Variants in EPS15 observed in about 807,000 individuals in gnomAD.
EPS15 encodes the protein epidermal growth factor receptor substrate 15.
A neutral mutation model predicts 113.8 loss-of-function variants in EPS15; 72 were observed. That is an observed-to-expected ratio of 0.63 (90% CI 0.52 to 0.77). The LOEUF is 0.77. EPS15 is among the 30% of genes least tolerant of loss of function. EPS15 has a pLI of 0.00. For missense variants in EPS15, 1,048 were observed against 1,045.8 expected (o/e 1.00, Z -0.03); for synonymous variants, 344 against 363.4 (o/e 0.95, Z 0.61).
chr1:51,425,654 C>T (rs1651136388), intron 12 of EPS15, among the ~76,000 whole-genome samples: 1 of 152,172 alleles, frequency 6.6e-6, no homozygotes, highest in African/African-American at 2.4e-5. Context: ...AACTGTCAAT[C>T]TCTCTCACAA....
intron 1 of EPS15, among the ~76,000 whole-genome samples, chr1:51,509,754 A>G (rs1479343250): frequency 1.3e-5 from 2 of 152,248 alleles, no homozygotes; most frequent in Non-Finnish European, 2.9e-5. Flanking sequence ...ACTTTCCACT[A>G]TAACTTCGTG....
rs1655340175 is a variant in EPS15 at position 51,472,878 on chromosome 1, G to A, written c.146C>T (p.Pro49Leu). Residue 49 changes from proline to leucine, a missense_variant, in exon 3 of 25, where the codon CCA becomes CTA. Physicochemically the swap from Pro to Leu is moderately conservative, Grantham distance 98. Transcript: ENST00000371733. ...TACTACCTTTCCAAGTATCAAGTCT[G>A]GAAGCCCTGATTTTTTCAGGAAAGC... ...AAAFLKKSGL[P>L]DLILGKIWDL... is the part of the protein sequence containing the mutation. 1 of 1,612,156 alleles carries A rather than the reference G, an allele frequency of 6.2e-7. No individual in the cohort carries two copies. The highest frequency in any genetic ancestry group is 1.1e-5 in the South Asian group (1 of 91,044).
At chr1:51,370,305 C>A (rs1646615252) in intron 21 of EPS15, among the ~76,000 whole-genome samples, 1 of 152,086 alleles carries the variant, frequency 6.6e-6, no homozygotes, top group Non-Finnish European at 1.5e-5. Context: ...GGCTGAGTAT[C>A]CCTTATCTGA....
In EPS15 at chr1:51,453,864, C is replaced by T. The variant is rs1176591072; in HGVS notation, c.562-5729G>A. Reference sequence around the variant, plus strand: ...TTTAATTCTTGGCCAAAGCCCAAGACTTTGGTGAAACCCTGTCTCTACTAA... The same window carrying T: ...TTTAATTCTTGGCCAAAGCCCAAGATTTTGGTGAAACCCTGTCTCTACTAA... On this transcript the variant is annotated intron_variant, in intron 8 of 24. Transcript: ENST00000371733. Among the ~76,000 whole-genome samples the T allele has an allele frequency of 2.0e-5, 3 of 151,864 alleles. 1 individual carries two copies. Among genetic ancestry groups the T allele is most frequent in the South Asian group, 4.2e-4 (2 of 4,812 alleles).
intron 12 of EPS15, among the ~76,000 whole-genome samples, chr1:51,425,201 C>G (rs774911871): frequency 3.3e-5 from 5 of 152,150 alleles, no homozygotes; most frequent in African/African-American, 4.8e-5. Flanking sequence ...GAATTTGAAC[C>G]ATCAAGGAAA....
intron 10 of EPS15, among the ~76,000 whole-genome samples, chr1:51,445,955 G>T (rs1369560823): frequency 1.3e-5 from 2 of 152,192 alleles, no homozygotes; most frequent in African/African-American, 4.8e-5. Flanking sequence ...TGAGTATAGT[G>T]CCTACCCTAG....
chr1:51,365,271 T>C (rs1203379202), intron 22 of EPS15, among the ~76,000 whole-genome samples: 2 of 152,348 alleles, frequency 1.3e-5, no homozygotes, highest in African/African-American at 2.4e-5. Flanking sequence ...CTGGACGTAA[T>C]TGCATATTGT....
intron 12 of EPS15, among the ~76,000 whole-genome samples, chr1:51,432,688 T>C (rs1006491428): frequency 6.6e-6 from 1 of 152,160 alleles, no homozygotes; most frequent in Non-Finnish European, 1.5e-5. Flanking sequence ...ACCACACAGC[T>C]AGTGGCTACT....
intron 21 of EPS15, chr1:51,372,789 G>A (rs910580258): frequency 4.7e-6 from 2 of 422,396 alleles, no homozygotes; most frequent in African/African-American, 4.1e-5. Context: ...CTTGTTACAA[G>A]ACATCAAAGA....
In EPS15 at chr1:51,466,533, G is replaced by A. The variant is rs147312860; in HGVS notation, c.310-1207C>T. ...AGCTACTCAGGAGGCTAAGGCAGGA[G>A]AATCACTTGAACCTAGGGGGTGGAG... is the stretch of plus-strand genomic sequence containing the variant. On this transcript the variant is annotated intron_variant, in intron 5 of 24. Transcript: ENST00000371733. Among the ~76,000 whole-genome samples the A allele has an allele frequency of 2.4e-3, 359 of 151,676 alleles. 1 individual carries two copies. Among genetic ancestry groups the A allele is most frequent in the South Asian group, 5.9e-3 (28 of 4,780 alleles).
At chr1:51,463,873 T>C (rs1654654833) in intron 6 of EPS15, 75 bp from the exon 7 acceptor site, 1 of 851,220 alleles carries the variant, frequency 1.2e-6, no homozygotes, top group South Asian at 1.9e-5. Flanking sequence ...AATCAAGTCC[T>C]TAAAGAATAG....
intron 12 of EPS15, chr1:51,423,490 T>C (rs1306341084): frequency 4.1e-6 from 4 of 985,304 alleles, no homozygotes; most frequent in Non-Finnish European, 4.8e-6. Context: ...TGCTGCAGCA[T>C]GTTAGAGATA....
At chr1:51,508,223 GAAA>G (rs1557536211) in intron 1 of EPS15, among the ~76,000 whole-genome samples, 1 of 78,472 alleles carries the variant, frequency 1.3e-5, no homozygotes, top group African/African-American at 4.7e-5. Context: ...GAAAAGAAAA[GAAA>G]AGAAAAGAAA....
chr1:51,399,077 T>C lies in EPS15; in HGVS notation c.2007A>G (p.Ser669=), dbSNP rs143345142. 1.2e-6 allele frequency: 2 copies of C among 1,614,106 alleles called. No individual in the cohort carries two copies. The highest frequency in any genetic ancestry group is 4.5e-5 in the East Asian group (2 of 44,884). Residue 669 remains serine, a synonymous_variant, in exon 20 of 25, where the codon TCA becomes TCG. Transcript: ENST00000371733. ...TGGCTGCACTGAAAGGGTCAGTGCT[T>C]GAAGTGGCAAAAGGATCAGTAGATT... ...FRQSTDPFAT[S]STDPFSAANN... is the part of the protein sequence containing the mutation.
At chr1:51,509,352 CTAAT>C (rs1454071057) in intron 1 of EPS15, among the ~76,000 whole-genome samples, 3 of 152,086 alleles carry the variant, frequency 2.0e-5, no homozygotes, top group South Asian at 4.1e-4. Context: ...CATCAAAATT[CTAAT>C]TAAGTGCAAC....
chr1:51,482,232 T>C (rs1644033475), intron 1 of EPS15, among the ~76,000 whole-genome samples: 1 of 152,074 alleles, frequency 6.6e-6, no homozygotes, highest in Admixed American at 6.5e-5. Flanking sequence ...AAGAGTGTTC[T>C]GGGATCAGGA....
At chr1:51,423,482 C>G in intron 12 of EPS15, 1 of 985,394 alleles carries the variant, frequency 1.0e-6, no homozygotes, top group Non-Finnish European at 1.2e-6. Context: ...TTCAGTCTTG[C>G]TGCAGCATGT....
chr1:51,456,155 T>C (rs1369268005), intron 8 of EPS15, among the ~76,000 whole-genome samples: 1 of 152,116 alleles, frequency 6.6e-6, no homozygotes, highest in Non-Finnish European at 1.5e-5. Flanking sequence ...AAAATCTCAT[T>C]TATGCTATAA....
At chr1:51,440,237 G>A in intron 12 of EPS15, 110 bp downstream of exon 12, 2 of 432,628 alleles carry the variant, frequency 4.6e-6, no homozygotes, top group East Asian at 3.3e-5. Flanking sequence ...GAAACAGAAA[G>A]GTGTGTGTGG....
Sources: allele counts gnomAD v4.1 joint callset (sites outside exome capture counted in the v4.1 genomes callset), GRCh38; gene constraint gnomAD v4.1.1; transcripts MANE v1.5; gene names NCBI Gene and HGNC (gene_info 2026-07-23, HGNC 2026-07-21).